NUP153: variants seen among roughly 807,000 people sequenced by gnomAD.
NUP153 encodes nuclear pore complex protein Nup153.
In NUP153, 27 loss-of-function variants were observed where a neutral mutation model predicts 134.6. The observed-to-expected ratio is 0.20, with a 90% CI of 0.15 to 0.28. The LOEUF (loss-of-function observed/expected upper bound fraction) is 0.28. NUP153 is among the 10% of genes least tolerant of loss of function. The probability of loss-of-function intolerance (pLI) is 1.00; values close to 1 mark genes in which losing one functional copy is unlikely to be tolerated. For missense variants in NUP153, 1,821 were observed against 1,731.3 expected, an observed-to-expected ratio of 1.05 and a Z score of -0.92; for synonymous variants, 640 against 623.5, an observed-to-expected ratio of 1.03 and a Z score of -0.40.
chr6:17,683,049 TTTTC>T (rs1166276462), intron 2 of NUP153, among the ~76,000 whole-genome samples: 1 of 152,162 alleles, frequency 6.6e-6, no homozygotes, highest in Non-Finnish European at 1.5e-5. Flanking sequence ...CTAATTTTAG[TTTTC>T]TTTCTATTTC....
chr6:17,680,272 T>C lies in NUP153; in HGVS notation c.335-4502A>G, dbSNP rs58947966. Among the ~76,000 whole-genome samples, 1,881 of 152,266 alleles carry C rather than the reference T, an allele frequency of 0.012. 40 individuals are homozygous for C. Among genetic ancestry groups the C allele is most frequent in the African/African-American group, 0.042 (1,732 of 41,538 alleles). Reference sequence around the variant, plus strand: ...TAATAAAGACAGGCAATACAGACCATGGACGTGAACACAGGGCCCAGAAAT... The same window carrying C: ...TAATAAAGACAGGCAATACAGACCACGGACGTGAACACAGGGCCCAGAAAT... On this transcript the variant is annotated intron_variant, in intron 2 of 21. Transcript: ENST00000262077. The surrounding 1 kb of genome is among the most constrained non-coding windows in gnomAD (Gnocchi z 4.5).
At chr6:17,701,081 TG>T (rs1247174081) in intron 1 of NUP153, among the ~76,000 whole-genome samples, 2 of 151,724 alleles carry the variant, frequency 1.3e-5, no homozygotes, top group Non-Finnish European at 2.9e-5. Context: ...CAAAATTAGC[TG>T]GGAGTGGTGG....
chr6:17,669,542 G>A lies in NUP153; in HGVS notation c.857C>T (p.Pro286Leu). 1.2e-6 allele frequency: 2 copies of A among 1,603,488 alleles called. No homozygotes were observed. Among genetic ancestry groups the A allele is most frequent in the East Asian group, 2.2e-5 (1 of 44,822 alleles). Residue 286 changes from proline to leucine, a missense_variant, in exon 6 of 22, where the codon CCA (proline) becomes CTA (leucine). Transcript: ENST00000262077. The part of the protein sequence containing the change: ...SKLRNTPYQA[P>L]VRRQMKAKQL... ...CTTAGCTTTCATTTGTCTTCTAACT[G>A]GTGCCTGTAAAGTAAACCCTATATT... is the stretch of plus-strand genomic sequence containing the variant.
intron 10 of NUP153, 54 bp downstream of exon 10, chr6:17,661,964 C>T (rs1354479552): frequency 6.6e-6 from 9 of 1,359,818 alleles, no homozygotes; most frequent in Non-Finnish European, 8.3e-6. Flanking sequence ...AAATTAAATA[C>T]AGACCTTACA....
intron 1 of NUP153, among the ~76,000 whole-genome samples, chr6:17,695,657 A>G (rs1301984695): frequency 6.6e-6 from 1 of 152,200 alleles, no homozygotes; most frequent in African/African-American, 2.4e-5. Flanking sequence ...GACATTAGAA[A>G]TTTTTAAAAA....
At position 17,680,974 on chromosome 6, in the gene NUP153, A is replaced by G. The variant is rs141130610; in HGVS notation, c.335-5204T>C. 5.4e-4 allele frequency among the ~76,000 whole-genome samples: 82 copies of G among 152,286 alleles called. No individual in the cohort carries two copies. Among genetic ancestry groups the G allele is most frequent in the African/African-American group, 1.9e-3 (77 of 41,562 alleles). ...CTAGTATATCAAAGAGATAATCTGC[A>G]CTCGCAGCACTATTCACAATAGCCA... On this transcript the variant is annotated intron_variant, in intron 2 of 21. Transcript: ENST00000262077. The surrounding 1 kb of genome is among the most constrained non-coding windows in gnomAD (Gnocchi z 4.5).
chr6:17,688,541 T>C lies in NUP153; in HGVS notation c.189A>G (p.Glu63=). 6.2e-7 allele frequency: 1 copy of C among 1,614,152 alleles called. No homozygotes were observed. Among genetic ancestry groups the C allele is most frequent in the Non-Finnish European group, 8.5e-7 (1 of 1,180,004 alleles). The change falls in exon 2 of 22, where the codon GAA becomes GAG. Residue 63 remains glutamate (E), a synonymous_variant. Transcript: ENST00000262077. ...TGTCTGTTGAACAGCTGCATACATCTTCATTCTTGTTGAAGTATCTTTGTA... is the reference window on the plus strand; with the variant it reads ...TGTCTGTTGAACAGCTGCATACATCCTCATTCTTGTTGAAGTATCTTTGTA... ...GWLQRYFNKN[E]DVCSCSTDTS...
At chr6:17,686,542 T>A (rs1265105617) in intron 2 of NUP153, among the ~76,000 whole-genome samples, 1 of 151,722 alleles carries the variant, frequency 6.6e-6, no homozygotes, top group African/African-American at 2.4e-5. Flanking sequence ...ACTACAGGCA[T>A]GTGCCACCAT....
At chr6:17,681,825 C>T (rs1768597468) in intron 2 of NUP153, among the ~76,000 whole-genome samples, 1 of 152,062 alleles carries the variant, frequency 6.6e-6, no homozygotes, top group African/African-American at 2.4e-5. Context: ...ATCAGTTTCT[C>T]CTATAGGAGA....
chr6:17,688,344 A>G (rs1440315292), intron 2 of NUP153, 52 bp downstream of exon 2: 1 of 1,419,310 alleles, frequency 7.0e-7, no homozygotes, highest in Admixed American at 1.7e-5. Flanking sequence ...TGTCTTCAAA[A>G]TTAGGGCATG....
chr6:17,635,520 GCCT>G (rs1238559244), intron 16 of NUP153, among the ~76,000 whole-genome samples: 1 of 152,100 alleles, frequency 6.6e-6, no homozygotes, highest in Non-Finnish European at 1.5e-5. Flanking sequence ...TCCCACTTTG[GCCT>G]CCTAAGTAGC....
Position 17,688,482 on chromosome 6 carries a change from T to C in NUP153, c.248A>G (p.Glu83Gly). Reference protein sequence around the residue: ...SEVPRWPENKEDHLVYADEES... With the variant: ...SEVPRWPENKGDHLVYADEES... Reference sequence around the variant, plus strand: ...CTCATCGGCATATACCAGATGGTCCTCTTTATTTTCTGGCCAGCGTGGAAC... The same window carrying C: ...CTCATCGGCATATACCAGATGGTCCCCTTTATTTTCTGGCCAGCGTGGAAC... Residue 83 changes from glutamate to glycine, a missense_variant, in exon 2 of 22, where the codon GAG (glutamate) becomes GGG (glycine). By Grantham distance (98) the Glu-to-Gly change is moderately conservative. Transcript: ENST00000262077. 1 of 1,614,206 alleles carries C rather than the reference T, an allele frequency of 6.2e-7. No individual in the cohort carries two copies. Among genetic ancestry groups the C allele is most frequent in the Non-Finnish European group, 8.5e-7 (1 of 1,180,040 alleles).
chr6:17,625,829 T>G lies in NUP153; in HGVS notation c.3880A>C (p.Thr1294Pro), dbSNP rs1418649687. The G allele has an allele frequency of 3.1e-6, 5 of 1,613,848 alleles. No homozygotes were observed. The highest frequency in any genetic ancestry group is 2.2e-5 in the South Asian group (2 of 91,072). The change falls in exon 19 of 22, where the codon ACA (threonine) becomes CCA (proline). Residue 1294 changes from threonine (T) to proline (P), a missense_variant. By Grantham distance (38) the Thr-to-Pro change is conservative. Transcript: ENST00000262077. This position sits in a 1 kb window ranked among gnomAD's most constrained non-coding sequence, Gnocchi z 4.7. ...GTACCTGCAGAGCTAGATGTGGTTG[T>G]GGCTCCAAAGCCGAAACCAGAGGTG... ...TTTSGFGFGA[T>P]TTSSSAGSSF... is the part of the protein sequence containing the mutation.
chr6:17,628,852 A>G lies in NUP153; in HGVS notation c.3347T>C (p.Leu1116Pro). 2 of 1,614,172 alleles carry G rather than the reference A, an allele frequency of 1.2e-6. No individual in the cohort carries two copies. Among genetic ancestry groups the G allele is most frequent in the Non-Finnish European group, 1.7e-6 (2 of 1,180,000 alleles). The stretch of plus-strand genomic sequence containing the variant: ...ATTGTCAGCTTTCTTCCCAAAAACT[A>G]GGGAAGTAGAAGTGACAGGCTCTTG... ...KQQEPVTSTSLVFGKKADNEE... is the reference protein window; with the variant it reads ...KQQEPVTSTSPVFGKKADNEE... The change falls in exon 18 of 22, where the codon CTA becomes CCA. Residue 1116 changes from leucine to proline, a missense_variant. Transcript: ENST00000262077. This position sits in a 1 kb window ranked among gnomAD's most constrained non-coding sequence, Gnocchi z 5.4.
chr6:17,657,984 G>A (rs187232349), intron 11 of NUP153, among the ~76,000 whole-genome samples: 17 of 152,282 alleles, frequency 1.1e-4, no homozygotes, highest in African/African-American at 4.1e-4. Flanking sequence ...AGACAAGTTC[G>A]AGCGATTTTC....
At chr6:17,676,718 C>T (rs1256445183) in intron 2 of NUP153, among the ~76,000 whole-genome samples, 2 of 152,110 alleles carry the variant, frequency 1.3e-5, no homozygotes, top group African/African-American at 4.8e-5. Context: ...GTGAGCCCTA[C>T]GATTACCCAG....
Position 17,706,542 on chromosome 6 carries a change from G to A in NUP153, c.-155C>T. 3 of 604,008 alleles carry A rather than the reference G, an allele frequency of 5.0e-6. No homozygotes were observed. Among genetic ancestry groups the A allele is most frequent in the African/African-American group, 1.9e-5 (1 of 51,482 alleles). The allele number at this position is 604,008 out of a possible 1,614,324, so 37.4% of individuals were successfully genotyped here. A position where few individuals can be genotyped will look rare whatever the true frequency, so the allele number is the denominator to read the frequency against. ...GGCACAAGCACCCCAGGAACCGCGA[G>A]GTTGCGAGCAGGAGCGGAGAGAGGG... On this transcript the variant is annotated 5_prime_UTR_variant, in exon 1 of 22. Coordinates refer to ENST00000262077, the MANE Select transcript of NUP153 (RefSeq NM_005124.4). This position sits in a 1 kb window ranked among gnomAD's most constrained non-coding sequence, Gnocchi z 5.9.
At chr6:17,633,998 T>C (rs1474889748) in intron 16 of NUP153, among the ~76,000 whole-genome samples, 1 of 152,182 alleles carries the variant, frequency 6.6e-6, no homozygotes, top group African/African-American at 2.4e-5. Flanking sequence ...AGTTGGTGAC[T>C]CCACTGTCTT....
intron 5 of NUP153, among the ~76,000 whole-genome samples, chr6:17,671,867 G>T (rs1767933585): frequency 6.6e-6 from 1 of 152,126 alleles, no homozygotes; most frequent in African/African-American, 2.4e-5. Context: ...AATTAGTGGG[G>T]CATGGTGGTG....
Sources: gnomAD v4.1 joint callset for allele counts (sites outside exome capture counted in the v4.1 genomes callset) on GRCh38, gnomAD v4.1.1 for gene constraint, Gnocchi (gnomAD v3.1) non-coding constraint, MANE v1.5 for transcripts, NCBI Gene and HGNC (gene_info 2026-07-23, HGNC 2026-07-21) for gene names.